The following MYBPC1 variants were observed in gnomAD, a reference collection of about 807,000 sequenced individuals.
MYBPC1 encodes myosin-binding protein C, slow-type.
MYBPC1 carries 52 observed loss-of-function variants against 147.1 expected under a neutral mutation model. The ratio of observed to expected loss-of-function variants is 0.35; its 90% CI spans 0.28 to 0.45. The LOEUF (loss-of-function observed/expected upper bound fraction) is 0.45. MYBPC1 is among the 20% of genes least tolerant of loss of function. The pLI, the probability that MYBPC1 is intolerant of heterozygous loss-of-function variation, is 1.00. For synonymous variants in MYBPC1, 477 were observed against 475.9 expected (o/e 1.00, Z -0.03); for missense variants, 1,228 against 1,440.3 (o/e 0.85, Z 2.39).
intron 1 of MYBPC1, among the ~76,000 whole-genome samples, chr12:101,609,969 A>G (rs1883662449): frequency 1.3e-5 from 2 of 152,210 alleles, no homozygotes; most frequent in Non-Finnish European, 2.9e-5. Flanking sequence ...GAACATGTAA[A>G]TTATTTTTAG....
intron 22 of MYBPC1, chr12:101,666,596 C>A: frequency 1.3e-6 from 1 of 773,652 alleles, no homozygotes; most frequent in Non-Finnish European, 2.2e-6. Flanking sequence ...CCCCTAACAC[C>A]GTTTGGTCTC....
At chr12:101,652,325 T>C (rs2136307259) in intron 16 of MYBPC1, among the ~76,000 whole-genome samples, 1 of 152,342 alleles carries the variant, frequency 6.6e-6, no homozygotes, top group East Asian at 1.9e-4. Flanking sequence ...AAATCAAGAT[T>C]ATTCTTGGCA....
At chr12:101,680,663 C>T (rs1950880005) in intron 29 of MYBPC1, 134 bp downstream of exon 29, 10 of 1,047,784 alleles carry the variant, frequency 9.5e-6, no homozygotes, top group South Asian at 6.9e-5. Context: ...GTGGTGAGGG[C>T]AAGGGAAGCA....
At chr12:101,597,121 T>C (rs558376863) in intron 1 of MYBPC1, among the ~76,000 whole-genome samples, 2 of 152,384 alleles carry the variant, frequency 1.3e-5, no homozygotes, top group Admixed American at 6.5e-5. Context: ...CGGCAATTCA[T>C]GAACTATTCT....
chr12:101,634,750 G>T (rs765039173), intron 9 of MYBPC1, 145 bp downstream of exon 9: 6 of 712,402 alleles, frequency 8.4e-6, no homozygotes, highest in Non-Finnish European at 1.2e-5. Context: ...AAACATTGGT[G>T]TTCTAGAAAA....
intron 1 of MYBPC1, among the ~76,000 whole-genome samples, chr12:101,603,601 A>G (rs1383858492): frequency 1.3e-5 from 2 of 152,142 alleles, no homozygotes; most frequent in Non-Finnish European, 2.9e-5. Context: ...AACAGTTTGG[A>G]GCAAGGCCTT....
chr12:101,595,825 A>G (rs547599640), intron 1 of MYBPC1, among the ~76,000 whole-genome samples: 2 of 152,256 alleles, frequency 1.3e-5, no homozygotes, highest in Non-Finnish European at 2.9e-5. Flanking sequence ...GTTTTCCCTA[A>G]CAAAGTTTCT....
downstream of MYBPC1, among the ~76,000 whole-genome samples, chr12:101,690,404 T>A (rs900942594): frequency 7.9e-5 from 12 of 152,194 alleles, no homozygotes; most frequent in African/African-American, 2.2e-4. Flanking sequence ...ATATTGCTGA[T>A]AATGACCTAG....
At chr12:101,661,629 C>T (rs568047920) in intron 20 of MYBPC1, among the ~76,000 whole-genome samples, 1 of 152,134 alleles carries the variant, frequency 6.6e-6, no homozygotes, top group South Asian at 2.1e-4. Flanking sequence ...TGGCTCATAC[C>T]TGTAATCCCA....
chr12:101,597,292 C>G (rs1455249992), intron 1 of MYBPC1, among the ~76,000 whole-genome samples: 2 of 152,156 alleles, frequency 1.3e-5, no homozygotes, highest in Non-Finnish European at 2.9e-5. Context: ...CTCCTCCAGC[C>G]CATATGGGTC....
At chr12:101,684,666 G>C (rs757888640) in intron 31 of MYBPC1, among the ~76,000 whole-genome samples, 2 of 152,168 alleles carry the variant, frequency 1.3e-5, no homozygotes, top group Non-Finnish European at 2.9e-5. Context: ...ATGAATGAAA[G>C]CATTTAATGT....
At chr12:101,645,179 C>T (rs1387842177) in intron 12 of MYBPC1, among the ~76,000 whole-genome samples, 3 of 152,150 alleles carry the variant, frequency 2.0e-5, no homozygotes, top group Non-Finnish European at 4.4e-5. Flanking sequence ...ATGACTTTTG[C>T]TTTTCCAAAA....
chr12:101,596,208 A>G (rs1877175106), intron 1 of MYBPC1, among the ~76,000 whole-genome samples: 2 of 152,358 alleles, frequency 1.3e-5, no homozygotes, highest in East Asian at 1.9e-4. Context: ...TTCTTTATAT[A>G]ATTAAGTAAC....
chr12:101,681,567 T>C (rs1950950593), intron 29 of MYBPC1, among the ~76,000 whole-genome samples: 1 of 18,332 alleles, frequency 5.5e-5, no homozygotes, highest in African/African-American at 3.0e-4. Context: ...TATATATATA[T>C]ATATATATAT....
chr12:101,693,740 A>AATAG, the MYBPC1 span, among the ~76,000 whole-genome samples: 77,515 of 151,506 alleles, frequency 0.51, 20,792 homozygotes, highest in Admixed American at 0.6. Context: ...TCTGTCTCTA[A>AATAG]ATAAATAAAT....
chr12:101,686,520 A>G (rs1951349979), downstream of MYBPC1, among the ~76,000 whole-genome samples: 1 of 152,250 alleles, frequency 6.6e-6, no homozygotes, highest in South Asian at 2.1e-4. Context: ...GCTGAGAAAC[A>G]TTTATACTAA....
intron 3 of MYBPC1, among the ~76,000 whole-genome samples, chr12:101,620,717 ACAG>A (rs1193173784): frequency 6.6e-6 from 1 of 152,166 alleles, no homozygotes; most frequent in Non-Finnish European, 1.5e-5. Flanking sequence ...CCAAAAAGTG[ACAG>A]CAGCATTAGA....
chr12:101,695,314 C>T, the MYBPC1 span, among the ~76,000 whole-genome samples: 16,467 of 152,188 alleles, frequency 0.11, 1,190 homozygotes, highest in African/African-American at 0.21. Flanking sequence ...GGACAGGTGG[C>T]TTATATAGCA....
At chr12:101,632,185 G>A in intron 8 of MYBPC1, 47 bp downstream of exon 8, 1 of 1,268,118 alleles carries the variant, frequency 7.9e-7, no homozygotes. Flanking sequence ...TTAATGGGGT[G>A]TGAGGGGATG....
Sources: allele counts gnomAD v4.1 joint callset (sites outside exome capture counted in the v4.1 genomes callset), GRCh38; gene constraint gnomAD v4.1.1; transcripts MANE v1.5; gene names NCBI Gene and HGNC (gene_info 2026-07-23, HGNC 2026-07-21).